The following TBC1D30 variants were observed in gnomAD, a reference collection of about 807,000 sequenced individuals.
The protein encoded by TBC1D30 is TBC1 domain family, member 30.
Under a neutral mutation model 63.2 loss-of-function variants are expected in TBC1D30, and 31 were observed. That is an observed-to-expected ratio of 0.49 (90% CI 0.37 to 0.66). The LOEUF (loss-of-function observed/expected upper bound fraction) is 0.66. Ranked by LOEUF, TBC1D30 falls within the 30% of genes least tolerant of loss-of-function variation. The probability of loss-of-function intolerance (pLI) is 0.00; values close to 1 mark genes in which losing one functional copy is unlikely to be tolerated. For missense variants in TBC1D30, 810 were observed against 953.6 expected (o/e 0.85, Z 1.98); for synonymous variants, 307 against 361.5 (o/e 0.85, Z 1.71).
chr12:64,764,628 C>T (rs1361862011), intron 1 of TBC1D30, among the ~76,000 whole-genome samples: 1 of 152,134 alleles, frequency 6.6e-6, no homozygotes, highest in Non-Finnish European at 1.5e-5. Flanking sequence ...ACATTCTGAA[C>T]CAGAGAGCAG....
chr12:64,788,567 T>C (rs1185681832), intron 2 of TBC1D30, among the ~76,000 whole-genome samples: 1 of 152,172 alleles, frequency 6.6e-6, no homozygotes, highest in African/African-American at 2.4e-5. Flanking sequence ...TGATTATCAT[T>C]TGGAATTTAA....
At chr12:64,848,563 T>C (rs1876591892) in intron 8 of TBC1D30, among the ~76,000 whole-genome samples, 1 of 152,284 alleles carries the variant, frequency 6.6e-6, no homozygotes, top group South Asian at 2.1e-4. Context: ...CTGAGAATGA[T>C]GGTTTCCAGC....
chr12:64,783,400 G>C (rs1305560189), intron 1 of TBC1D30, among the ~76,000 whole-genome samples: 1 of 152,170 alleles, frequency 6.6e-6, no homozygotes, highest in African/African-American at 2.4e-5. Flanking sequence ...GAGGGCTGTG[G>C]TGAGAATTAC....
intron 8 of TBC1D30, among the ~76,000 whole-genome samples, chr12:64,862,461 G>T (rs987586450): frequency 1.3e-5 from 2 of 152,178 alleles, no homozygotes; most frequent in Non-Finnish European, 2.9e-5. Context: ...TTTTGGTCAG[G>T]TGTCTTTAGC....
At chr12:64,828,883 C>T (rs553135358) in intron 3 of TBC1D30, among the ~76,000 whole-genome samples, 1 of 152,116 alleles carries the variant, frequency 6.6e-6, no homozygotes, top group South Asian at 2.1e-4. Flanking sequence ...TCGAGTAGGC[C>T]CCTGAAGGAG....
chr12:64,803,987 T>G (rs566260511), intron 2 of TBC1D30, among the ~76,000 whole-genome samples: 2 of 152,338 alleles, frequency 1.3e-5, no homozygotes, highest in East Asian at 3.9e-4. Flanking sequence ...TGTGGGCTCT[T>G]TTTTGGTTCC....
chr12:64,801,597 G>A (rs1259652346), intron 2 of TBC1D30, among the ~76,000 whole-genome samples: 1 of 152,170 alleles, frequency 6.6e-6, no homozygotes, highest in African/African-American at 2.4e-5. Context: ...GCCACCTCCT[G>A]TTGAACACAG....
chr12:64,765,938 G>A (rs1451810342), intron 1 of TBC1D30, among the ~76,000 whole-genome samples: 2 of 152,136 alleles, frequency 1.3e-5, no homozygotes, highest in Non-Finnish European at 2.9e-5. Context: ...CTTGAGCCGG[G>A]GAGGTCCAGG....
intron 2 of TBC1D30, among the ~76,000 whole-genome samples, chr12:64,799,519 A>G (rs1341339588): frequency 1.3e-5 from 2 of 152,230 alleles, no homozygotes; most frequent in Admixed American, 1.3e-4. Context: ...CTTTTCACTT[A>G]TAAAAGAAAT....
chr12:64,871,045 T>TA (rs1878619013), intron 11 of TBC1D30, among the ~76,000 whole-genome samples: 1 of 152,228 alleles, frequency 6.6e-6, no homozygotes, highest in African/African-American at 2.4e-5. Flanking sequence ...TTGATGGTAT[T>TA]AAACACGTCT....
At chr12:64,829,306 A>C (rs531178460) in intron 3 of TBC1D30, among the ~76,000 whole-genome samples, 1 of 152,320 alleles carries the variant, frequency 6.6e-6, no homozygotes, top group South Asian at 2.1e-4. Context: ...AGCTCAGGCA[A>C]CAGATGCATC....
At chr12:64,845,574 A>C (rs1033684646) in intron 8 of TBC1D30, among the ~76,000 whole-genome samples, 1 of 152,028 alleles carries the variant, frequency 6.6e-6, no homozygotes, top group African/African-American at 2.4e-5. Flanking sequence ...AAAATACAAA[A>C]AATTAGCCAG....
At chr12:64,820,205 C>G (rs1238197791), upstream of TBC1D30, among the ~76,000 whole-genome samples, 1 of 152,186 alleles carries the variant, frequency 6.6e-6, no homozygotes, top group Non-Finnish European at 1.5e-5. Flanking sequence ...GTCTCAGACC[C>G]ACTTCCCCTT....
intron 5 of TBC1D30, 86 bp from the exon 6 acceptor site, chr12:64,836,404 C>G: frequency 9.2e-7 from 1 of 1,091,892 alleles, no homozygotes; most frequent in Non-Finnish European, 1.3e-6. Flanking sequence ...AGCGTTTTAT[C>G]TATTTGAATA....
intron 7 of TBC1D30, among the ~76,000 whole-genome samples, chr12:64,842,529 G>A (rs1875970646): frequency 6.6e-6 from 1 of 152,170 alleles, no homozygotes; most frequent in Non-Finnish European, 1.5e-5. Flanking sequence ...AATGCAAGAA[G>A]AGGTGTAATC....
At chr12:64,767,624 CT>C (rs1206930046) in intron 1 of TBC1D30, among the ~76,000 whole-genome samples, 4 of 152,022 alleles carry the variant, frequency 2.6e-5, no homozygotes, top group African/African-American at 9.7e-5. Context: ...CAATATGTAA[CT>C]ATGTGACTAT....
At chr12:64,843,735 C>G (rs1375133570) in intron 8 of TBC1D30, among the ~76,000 whole-genome samples, 2 of 152,196 alleles carry the variant, frequency 1.3e-5, no homozygotes, top group African/African-American at 4.8e-5. Flanking sequence ...GCAATATAAA[C>G]TGGAAAAATA....
intron 1 of TBC1D30, among the ~76,000 whole-genome samples, chr12:64,767,044 T>C (rs1047939034): frequency 2.0e-5 from 3 of 151,964 alleles, no homozygotes; most frequent in South Asian, 4.1e-4. Context: ...ACAACTAACA[T>C]AGAGCTTGAA....
chr12:64,839,102 C>G (rs1875619466), intron 7 of TBC1D30, among the ~76,000 whole-genome samples: 1 of 152,182 alleles, frequency 6.6e-6, no homozygotes, highest in South Asian at 2.1e-4. Flanking sequence ...CTGGTTCACT[C>G]TTTGTCAGCA....
Sources: gnomAD v4.1 joint callset for allele counts (sites outside exome capture counted in the v4.1 genomes callset) on GRCh38, gnomAD v4.1.1 for gene constraint, MANE v1.5 for transcripts, NCBI Gene and HGNC (gene_info 2026-07-23, HGNC 2026-07-21) for gene names.